Variants in HDAC9 observed in about 807,000 individuals in gnomAD.
HDAC9 encodes the protein MEF-2 interacting transcription repressor (MITR) protein.
A neutral mutation model predicts 139.4 loss-of-function variants in HDAC9; 41 were observed. The observed-to-expected ratio is 0.29, with a 90% CI of 0.23 to 0.38. The LOEUF (loss-of-function observed/expected upper bound fraction) is 0.38. Ranked by LOEUF, HDAC9 falls within the 10% of genes least tolerant of loss-of-function variation. The probability of loss-of-function intolerance (pLI) is 1.00; values close to 1 mark genes in which losing one functional copy is unlikely to be tolerated. For synonymous variants in HDAC9, 517 were observed against 476.2 expected, an observed-to-expected ratio of 1.09 and a Z score of -1.12; for missense variants, 1,147 against 1,297.0, an observed-to-expected ratio of 0.88 and a Z score of 1.78.
intron 22 of HDAC9, among the ~76,000 whole-genome samples, chr7:18,898,168 T>C (rs1003956687): frequency 1.3e-5 from 2 of 151,984 alleles, no homozygotes; most frequent in Non-Finnish European, 2.9e-5. Context: ...TTTTAAAACA[T>C]TTATTGAGTT....
chr7:18,855,229 G>A (rs951193269), intron 21 of HDAC9, among the ~76,000 whole-genome samples: 5 of 151,932 alleles, frequency 3.3e-5, no homozygotes, highest in African/African-American at 1.2e-4. Context: ...ACTAAATTAC[G>A]TGCAGCAGAC....
chr7:18,443,783 T>G (rs1396665604), intron 1 of HDAC9, among the ~76,000 whole-genome samples: 1 of 151,882 alleles, frequency 6.6e-6, no homozygotes, highest in African/African-American at 2.4e-5. Flanking sequence ...ATGTTCTTTC[T>G]CTCCCTCTCT....
chr7:18,352,462 C>T (rs968766312), intron 1 of HDAC9, among the ~76,000 whole-genome samples: 1 of 152,044 alleles, frequency 6.6e-6, no homozygotes, highest in Non-Finnish European at 1.5e-5. Context: ...CTTGGTCCTC[C>T]TATCATTAAT....
chr7:18,927,621 C>T (rs1804352317), intron 22 of HDAC9, among the ~76,000 whole-genome samples: 1 of 152,176 alleles, frequency 6.6e-6, no homozygotes, highest in Non-Finnish European at 1.5e-5. Flanking sequence ...CAATGTGTGA[C>T]TCCTTTGGTC....
At chr7:18,648,749 A>T in intron 11 of HDAC9, 66 bp downstream of exon 11, 1 of 1,318,936 alleles carries the variant, frequency 7.6e-7, no homozygotes, top group African/African-American at 1.5e-5. Context: ...CTCTTCACTG[A>T]TATGGGTGTC....
intron 12 of HDAC9, among the ~76,000 whole-genome samples, chr7:18,708,218 A>T (rs539810054): frequency 2.6e-5 from 4 of 151,992 alleles, no homozygotes; most frequent in Non-Finnish European, 2.9e-5. Flanking sequence ...AGGTGAGGTC[A>T]TTTGCTGAGT....
At chr7:18,270,306 A>C (rs371397795) in intron 2 of HDAC9, among the ~76,000 whole-genome samples, 31 of 150,938 alleles carry the variant, frequency 2.1e-4, no homozygotes, top group African/African-American at 7.5e-4. Flanking sequence ...AACAAAAAAA[A>C]AACTGTGACT....
chr7:18,735,261 T>C (rs556347272), intron 13 of HDAC9, among the ~76,000 whole-genome samples: 1 of 152,358 alleles, frequency 6.6e-6, no homozygotes, highest in East Asian at 1.9e-4. Flanking sequence ...TCGTCTATTT[T>C]GGCTTTTGTT....
In HDAC9 at chr7:18,738,597, T is replaced by A. The variant is rs564408057; in HGVS notation, c.1910-10408T>A. Reference sequence around the variant, plus strand: ...ATGTTGAATATTGGCCTCCACTCTCTTCTGGCTTGTAGGGTTTCTGCAGAG... The same window carrying A: ...ATGTTGAATATTGGCCTCCACTCTCATCTGGCTTGTAGGGTTTCTGCAGAG... On this transcript the variant is annotated intron_variant, in intron 13 of 25. Transcript: ENST00000686413. Among the ~76,000 whole-genome samples the A allele has an allele frequency of 5.9e-5, 9 of 152,378 alleles. No individual in the cohort carries two copies. In the East Asian group the frequency reaches 1.7e-3, roughly 29 times the overall value.
chr7:18,629,264 G>T, intron 6 of HDAC9, 86 bp from the exon 7 acceptor site: 1 of 1,193,368 alleles, frequency 8.4e-7, no homozygotes, highest in Non-Finnish European at 1.1e-6. Context: ...AAAAGGGTGA[G>T]ACTTTTTTTT....
intron 2 of HDAC9, among the ~76,000 whole-genome samples, chr7:18,175,012 G>C (rs1788771467): frequency 1.3e-5 from 2 of 152,220 alleles, no homozygotes; most frequent in Non-Finnish European, 2.9e-5. Flanking sequence ...GGACGTTTAA[G>C]TCTGCAGAAG....
intron 1 of HDAC9, among the ~76,000 whole-genome samples, chr7:18,352,950 A>G (rs939406563): frequency 6.6e-6 from 1 of 152,110 alleles, no homozygotes; most frequent in South Asian, 2.1e-4. Flanking sequence ...ATCTTCCAGT[A>G]CCTTAACAAA....
chr7:18,390,471 T>A (rs754261755), intron 1 of HDAC9, among the ~76,000 whole-genome samples: 1 of 152,180 alleles, frequency 6.6e-6, no homozygotes. Flanking sequence ...TGTTTTTCCT[T>A]CCTGTCACAT....
intron 24 of HDAC9, among the ~76,000 whole-genome samples, chr7:18,955,514 G>A (rs1431802850): frequency 6.6e-6 from 1 of 152,116 alleles, no homozygotes; most frequent in Non-Finnish European, 1.5e-5. Context: ...TACACAGAGT[G>A]TTAAAATTGA....
intron 1 of HDAC9, among the ~76,000 whole-genome samples, chr7:18,442,861 G>A (rs1791915976): frequency 6.6e-6 from 1 of 152,146 alleles, no homozygotes. Flanking sequence ...AACCACAAAA[G>A]CACAGCTTCA....
intron 1 of HDAC9, among the ~76,000 whole-genome samples, chr7:18,125,865 A>G (rs1784632332): frequency 6.6e-6 from 1 of 152,188 alleles, no homozygotes; most frequent in African/African-American, 2.4e-5. Flanking sequence ...AGTTTTTAAA[A>G]AACTATTTAA....
intron 22 of HDAC9, among the ~76,000 whole-genome samples, chr7:18,891,531 A>G (rs917560662): frequency 4.6e-5 from 7 of 152,326 alleles, no homozygotes; most frequent in African/African-American, 1.7e-4. Context: ...TGAACAGTAA[A>G]TCATTGAGTA....
chr7:18,995,986 C>G, intron 25 of HDAC9, 37 bp from the exon 26 acceptor site: 1 of 1,530,564 alleles, frequency 6.5e-7, no homozygotes, highest in African/African-American at 1.4e-5. Flanking sequence ...ATTGTGTACT[C>G]TTATGCCGTA....
chr7:18,483,483 C>A (rs143565790), intron 1 of HDAC9, among the ~76,000 whole-genome samples: 108 of 152,216 alleles, frequency 7.1e-4, no homozygotes, highest in African/African-American at 2.5e-3. Flanking sequence ...TTATTTATGA[C>A]CTGTATCAGT....
Sources: allele counts gnomAD v4.1 joint callset (sites outside exome capture counted in the v4.1 genomes callset), GRCh38; gene constraint gnomAD v4.1.1; transcripts MANE v1.5; gene names NCBI Gene and HGNC (gene_info 2026-07-23, HGNC 2026-07-21).